CCDC120: variants seen among roughly 807,000 people sequenced by gnomAD.
CCDC120 encodes coiled-coil domain-containing protein 120.
Under a neutral mutation model 37.6 loss-of-function variants are expected in CCDC120, and 16 were observed. That is an observed-to-expected ratio of 0.43 (90% CI 0.29 to 0.65). The LOEUF (loss-of-function observed/expected upper bound fraction) is 0.65, where lower values mean the gene tolerates loss of function less well. CCDC120 is among the 30% of genes least tolerant of loss of function. The pLI is 0.18. For missense variants in CCDC120, 650 were observed against 657.4 expected (o/e 0.99, Z 0.12); for synonymous variants, 309 against 275.4 (o/e 1.12, Z -1.21).
intron 2 of CCDC120, 26 bp downstream of exon 2, chrX:49,062,130 C>T: frequency 8.6e-7 from 1 of 1,161,547 alleles, no homozygotes; most frequent in Non-Finnish European, 1.1e-6. Flanking sequence ...ACGTGGGGCC[C>T]AGGTTACCCC....
intron 10 of CCDC120, 141 bp downstream of exon 10, chrX:49,068,231 T>C (rs1383792846): frequency 1.8e-5 from 20 of 1,096,774 alleles, no homozygotes; most frequent in Non-Finnish European, 2.4e-5. Context: ...AGGGTCACTC[T>C]ACTGCACATG....
At chrX:49,064,134 C>G in intron 5 of CCDC120, 133 bp downstream of exon 5, 1 of 929,708 alleles carries the variant, frequency 1.1e-6, no homozygotes, top group Non-Finnish European at 1.4e-6. Flanking sequence ...AAAAGGGCTT[C>G]TGGAGTTAGT....
At position 49,063,566 on chromosome X, in the gene CCDC120, G is replaced by A. The variant is rs782156858; in HGVS notation, c.289-295G>A. Reference sequence around the variant, plus strand: ...AGACCACGCAGCCACAGCCCCTGAAGTGAGTTATATAATACTTAGGATCTC... The same window carrying A: ...AGACCACGCAGCCACAGCCCCTGAAATGAGTTATATAATACTTAGGATCTC... On this transcript the variant is annotated intron_variant, in intron 4 of 10. Coordinates refer to ENST00000603986, the MANE Select transcript of CCDC120 (RefSeq NM_001163321.4). 9.9e-5 allele frequency among the ~76,000 whole-genome samples: 11 copies of A among 110,914 alleles called. No individual in the cohort carries two copies. In the South Asian group the frequency reaches 4.0e-3, roughly 40 times the overall value.
chrX:49,059,146 G>A (rs2064853048), intron 1 of CCDC120, 51 bp downstream of exon 1: 1 of 115,700 alleles, frequency 8.6e-6, no homozygotes, highest in Non-Finnish European at 1.8e-5. Context: ...TAAGGGCATT[G>A]GGGAGCTGGG....
intron 2 of CCDC120, 47 bp from the exon 3 acceptor site, chrX:49,062,188 G>T: frequency 8.5e-7 from 1 of 1,181,043 alleles, no homozygotes; most frequent in East Asian, 3.1e-5. Context: ...GGGGGTTGGG[G>T]TATCATGGGA....
chrX:49,061,919 A>G lies in CCDC120; in HGVS notation c.-83-40A>G, dbSNP rs1269240176. ...TGTTGACTGCGTGTCCATTGTTGTT[A>G]TAGTTGGTTGAATCTGTCCCATTAA... On this transcript the variant is annotated intron_variant, in intron 1 of 10. Transcript: ENST00000603986. 13 of 1,093,434 alleles carry G rather than the reference A, an allele frequency of 1.2e-5. No homozygotes were observed. In the African/African-American group the frequency reaches 2.1e-4, roughly 17 times the overall value. 90.1% of individuals were successfully genotyped at this position (1,093,434 alleles called of 1,213,427 possible). A position where few individuals can be genotyped will look rare whatever the true frequency, so the allele number is the denominator to read the frequency against.
rs1557082122 is a variant in CCDC120 at position 49,068,017 on chromosome X, G to T, written c.1903G>T (p.Ala635Ser). The T allele has an allele frequency of 8.6e-7, 1 of 1,165,861 alleles. No individual in the cohort carries two copies. ...TGCCCGCTGCTATGAGGTGGGCCAGGCGCTGTACGGGGCCCCCAGCCAGGC... is the reference window on the plus strand; with the variant it reads ...TGCCCGCTGCTATGAGGTGGGCCAGTCGCTGTACGGGGCCCCCAGCCAGGC... Reference protein sequence around the residue: ...LHARCYEVGQALYGAPSQAPL... With the variant: ...LHARCYEVGQSLYGAPSQAPL... The change falls in exon 10 of 11, where the codon GCG (alanine) becomes TCG (serine). Residue 635 changes from alanine to serine, a missense_variant. Physicochemically the swap from Ala to Ser is moderately conservative, Grantham distance 99. Coordinates refer to ENST00000603986, the MANE Select transcript of CCDC120 (RefSeq NM_001163321.4).
Position 49,068,656 on chromosome X carries a change from T to C in CCDC120, c.2089T>C (p.Ter697ArgextTer40). Residue 697 changes from the stop codon to arginine (R), a stop_lost, in exon 11 of 11, where the codon TGA becomes CGA. Transcript: ENST00000603986. ...CACCCAGACCCCGGGGACACTGGTC[T>C]GACCCCTTCTGATATGTCCCTTGTT... ...SDTQTPGTLV[*>R] 8.9e-7 allele frequency: 1 copy of C among 1,126,757 alleles called. No individual in the cohort carries two copies. The allele number at this position is 1,126,757 out of a possible 1,213,427, so 92.9% of individuals were successfully genotyped here. A position where few individuals can be genotyped will look rare whatever the true frequency, so the allele number is the denominator to read the frequency against.
chrX:49,067,656 T>C lies in CCDC120; in HGVS notation c.1542T>C (p.Asp514=), dbSNP rs1448315978. Residue 514 remains aspartate (D), a synonymous_variant, in exon 10 of 11, where the codon GAT becomes GAC. Transcript: ENST00000603986. ...AEVPGPLSRR[D]GLLTMLPGPP... ...TCCCAGGACCCCTCTCCCGCCGGGA[T>C]GGGCTCCTCACCATGCTCCCCGGCC... is the stretch of plus-strand genomic sequence containing the variant. The C allele has an allele frequency of 8.3e-6, 10 of 1,200,278 alleles. No homozygotes were observed. Among genetic ancestry groups the C allele is most frequent in the African/African-American group, 1.8e-5 (1 of 57,141 alleles).
chrX:49,061,426 T>C (rs782366499), intron 1 of CCDC120, among the ~76,000 whole-genome samples: 4 of 112,690 alleles, frequency 3.5e-5, no homozygotes, highest in Non-Finnish European at 7.5e-5. Flanking sequence ...CATTGAGCAC[T>C]TGTGTGTACA....
rs1177013261 is a variant in CCDC120, at chrX:49,069,801, C to T, written c.*1143C>T. 3 of 112,397 alleles carry T rather than the reference C, an allele frequency of 2.7e-5. No individual in the cohort carries two copies. The highest frequency in any genetic ancestry group is 1.9e-4 in the Admixed American group (2 of 10,556). 9.3% of individuals were successfully genotyped at this position (112,397 alleles called of 1,213,427 possible). The stretch of plus-strand genomic sequence containing the variant: ...TCTTTTTATACCAGTGGATCTGGAC[C>T]CAAGACATTACCCACACTGGAAGGG... On this transcript the variant is annotated 3_prime_UTR_variant, in exon 11 of 11. Transcript: ENST00000603986.
chrX:49,059,442 A>C, intron 1 of CCDC120: 1 of 568,022 alleles, frequency 1.8e-6, no homozygotes. Flanking sequence ...TCCTCCCCCA[A>C]CCCAGGGCCC....
Position 49,067,516 on chromosome X carries a change from G to A in CCDC120, c.1402G>A (p.Ala468Thr), listed in dbSNP as rs1201160054. The A allele has an allele frequency of 1.7e-6, 2 of 1,163,891 alleles. No individual in the cohort carries two copies. Among genetic ancestry groups the A allele is most frequent in the Non-Finnish European group, 2.3e-6 (2 of 870,187 alleles). Reference protein sequence around the residue: ...PSSAAPASRGAPRLPPVCGDF... With the variant: ...PSSAAPASRGTPRLPPVCGDF... ...CTCAGCTGCCCCTGCCTCCCGAGGTGCCCCCCGGCTCCCACCTGTGTGTGG... is the reference window on the plus strand; with the variant it reads ...CTCAGCTGCCCCTGCCTCCCGAGGTACCCCCCGGCTCCCACCTGTGTGTGG... Residue 468 changes from alanine to threonine, a missense_variant, in exon 10 of 11, where the codon GCC becomes ACC. Physicochemically the swap from Ala to Thr is moderately conservative, Grantham distance 58. Around this residue, in one of 3 missense-constraint regions of CCDC120, gnomAD observed 576 missense variants for 565.3 expected, o/e 1.02. Coordinates refer to ENST00000603986, the MANE Select transcript of CCDC120 (RefSeq NM_001163321.4).
At chrX:49,061,335 C>A (rs1253621076) in intron 1 of CCDC120, among the ~76,000 whole-genome samples, 1 of 111,800 alleles carries the variant, frequency 8.9e-6, no homozygotes, top group Admixed American at 9.5e-5. Context: ...AGCACAGACC[C>A]ACAGATCTGA....
At chrX:49,056,673 C>CTGATTT (rs1340225273), upstream of CCDC120, among the ~76,000 whole-genome samples, 2 of 106,927 alleles carry the variant, frequency 1.9e-5, no homozygotes, top group Non-Finnish European at 3.9e-5. Flanking sequence ...CATTTAGTCT[C>CTGATTT]TGATTTTGGA....
chrX:49,067,617 G>T lies in CCDC120; in HGVS notation c.1503G>T (p.Pro501=). 2 of 1,186,652 alleles carry T rather than the reference G, an allele frequency of 1.7e-6. No individual in the cohort carries two copies. Among genetic ancestry groups the T allele is most frequent in the Non-Finnish European group, 2.3e-6 (2 of 881,214 alleles). Reference sequence around the variant, plus strand: ...GTGGAACAGGCTGGGGGGAGCTGCCGCCTGCAGCTGAGGTCCCAGGACCCC... The same window carrying T: ...GTGGAACAGGCTGGGGGGAGCTGCCTCCTGCAGCTGAGGTCCCAGGACCCC... The part of the protein sequence containing the change: ...SGGGTGWGEL[P]PAAEVPGPLS... Residue 501 remains proline, a synonymous_variant, in exon 10 of 11, where the codon CCG becomes CCT. Coordinates refer to ENST00000603986, the MANE Select transcript of CCDC120 (RefSeq NM_001163321.4).
exon 1 of CCDC120, chrX:49,053,767 GGAGCAGGCGCGCGCCCGGGGAC>G (rs2064813714): frequency 8.8e-6 from 1 of 113,073 alleles, no homozygotes; most frequent in African/African-American, 3.2e-5. Context: ...GCGCCGAAGA[GGAGCAGGCGCGCGCCCGGGGAC>G]GAGCAGGGCG....
Sources: allele counts gnomAD v4.1 joint callset (sites outside exome capture counted in the v4.1 genomes callset), GRCh38; gene constraint gnomAD v4.1.1; regional missense constraint gnomAD v4.1.1; transcripts MANE v1.5; gene names NCBI Gene and HGNC (gene_info 2026-07-23, HGNC 2026-07-21).